The following RALGPS1 variants were observed in gnomAD, a reference collection of about 807,000 sequenced individuals.
RALGPS1 encodes ras-specific guanine nucleotide-releasing factor RalGPS1.
A neutral mutation model predicts 78.8 loss-of-function variants in RALGPS1; 19 were observed. The ratio of observed to expected loss-of-function variants is 0.24; its 90% CI spans 0.17 to 0.35. RALGPS1 has a LOEUF of 0.35. RALGPS1 is among the 10% of genes least tolerant of loss of function. The pLI, the probability that RALGPS1 is intolerant of heterozygous loss-of-function variation, is 1.00. For missense variants in RALGPS1, 454 were observed against 688.3 expected (o/e 0.66, Z 3.81); for synonymous variants, 228 against 256.3 (o/e 0.89, Z 1.06).
chr9:126,932,742 A>G (rs1216765163), intron 1 of RALGPS1, among the ~76,000 whole-genome samples: 1 of 152,278 alleles, frequency 6.6e-6, no homozygotes, highest in East Asian at 1.9e-4. Context: ...ATGTTATAAA[A>G]ACATTTTTAT....
chr9:127,135,748 A>G (rs1164791340), intron 8 of RALGPS1, among the ~76,000 whole-genome samples: 1 of 152,212 alleles, frequency 6.6e-6, no homozygotes, highest in Non-Finnish European at 1.5e-5. Flanking sequence ...GACAAAGGCA[A>G]GGGGACTTGG....
intron 8 of RALGPS1, among the ~76,000 whole-genome samples, chr9:127,123,256 A>C (rs2056331736): frequency 6.6e-6 from 1 of 152,256 alleles, no homozygotes; most frequent in Non-Finnish European, 1.5e-5. Flanking sequence ...AGCAGGAGGC[A>C]GTGGCTTAGG....
rs541977828 is a variant in RALGPS1 at position 127,124,105 on chromosome 9, A to C, written c.611-41964A>C. 2.6e-5 allele frequency among the ~76,000 whole-genome samples: 4 copies of C among 152,278 alleles called. No homozygotes were observed. In the East Asian group the frequency reaches 7.7e-4, roughly 29 times the overall value. On this transcript the variant is annotated intron_variant, in intron 8 of 18. Coordinates refer to ENST00000259351, the MANE Select transcript of RALGPS1 (RefSeq NM_014636.3). ...CCCAAGCAATCTCTCCCAGTCCCCAAGGAGACCCTGACACTTCACCCATGG... is the reference window on the plus strand; with the variant it reads ...CCCAAGCAATCTCTCCCAGTCCCCACGGAGACCCTGACACTTCACCCATGG...
intron 1 of RALGPS1, among the ~76,000 whole-genome samples, chr9:126,919,333 G>C (rs534995361): frequency 6.6e-6 from 1 of 152,308 alleles, no homozygotes; most frequent in South Asian, 2.1e-4. Context: ...ACTAACAAGA[G>C]ACATCCTTTG....
chr9:127,065,975 A>G (rs548107120), intron 7 of RALGPS1, among the ~76,000 whole-genome samples: 13 of 152,356 alleles, frequency 8.5e-5, no homozygotes, highest in Admixed American at 6.5e-4. Flanking sequence ...TCTCATTTGT[A>G]GGCACAGAAG....
At chr9:127,013,391 T>A (rs2044532042) in intron 4 of RALGPS1, among the ~76,000 whole-genome samples, 1 of 152,132 alleles carries the variant, frequency 6.6e-6, no homozygotes, top group South Asian at 2.1e-4. Context: ...CCAAGCCTGA[T>A]TCTTTCCCCA....
chr9:126,924,126 A>G (rs2035034568), intron 1 of RALGPS1, among the ~76,000 whole-genome samples: 2 of 152,216 alleles, frequency 1.3e-5, no homozygotes, highest in Admixed American at 6.5e-5. Context: ...GACAAATCCC[A>G]TGAACTGGAA....
chr9:127,173,511 T>C (rs1254770016), intron 10 of RALGPS1, among the ~76,000 whole-genome samples: 1 of 152,240 alleles, frequency 6.6e-6, no homozygotes, highest in Non-Finnish European at 1.5e-5. Flanking sequence ...TGGTGAGTTC[T>C]TTTACTTGTA....
At chr9:127,007,402 T>G (rs188802703) in intron 4 of RALGPS1, among the ~76,000 whole-genome samples, 84 of 152,304 alleles carry the variant, frequency 5.5e-4, no homozygotes, top group African/African-American at 2.0e-3. Flanking sequence ...GTCCCATTCC[T>G]GCACATTGCT....
Position 127,091,992 on chromosome 9 carries a change from A to G in RALGPS1, c.610+22636A>G. The G allele has an allele frequency of 6.3e-7, 1 of 1,589,704 alleles. No homozygotes were observed. The highest frequency in any genetic ancestry group is 8.6e-7 in the Non-Finnish European group (1 of 1,166,280). ...TGTGGAGCCTGCAGCACCTGCAGCCAGCAGGCTTGGCTGTCAGACACTCAG... is the reference window on the plus strand; with the variant it reads ...TGTGGAGCCTGCAGCACCTGCAGCCGGCAGGCTTGGCTGTCAGACACTCAG... On this transcript the variant is annotated intron_variant, in intron 8 of 18. Coordinates refer to ENST00000259351, the MANE Select transcript of RALGPS1 (RefSeq NM_014636.3). This position sits in a 1 kb window ranked among gnomAD's most constrained non-coding sequence, Gnocchi z 4.3.
At chr9:127,149,851 C>CATGATGCTTTCCTTCTTGG (rs1254690440) in intron 8 of RALGPS1, among the ~76,000 whole-genome samples, 18 of 152,226 alleles carry the variant, frequency 1.2e-4, no homozygotes, top group Admixed American at 1.0e-3. Context: ...TGAAGAAGGT[C>CATGATGCTTTCCTTCTTGG]ATGATGCTTT....
intron 7 of RALGPS1, among the ~76,000 whole-genome samples, chr9:127,062,031 T>C (rs1302020302): frequency 6.6e-6 from 1 of 152,246 alleles, no homozygotes; most frequent in East Asian, 1.9e-4. Flanking sequence ...TGTATGTATG[T>C]GCATATGCAT....
At chr9:126,943,169 TACTC>T (rs1180827112) in intron 1 of RALGPS1, among the ~76,000 whole-genome samples, 3 of 152,250 alleles carry the variant, frequency 2.0e-5, no homozygotes, top group East Asian at 3.9e-4. Context: ...GATGGAGTCT[TACTC>T]ACTCTGTTGC....
Position 127,102,635 on chromosome 9 carries a change from G to T in RALGPS1, c.610+33279G>T, listed in dbSNP as rs77231028. Among the ~76,000 whole-genome samples, 70 of 152,264 alleles carry T rather than the reference G, an allele frequency of 4.6e-4. 1 individual carries two copies. The East Asian group carries it at 0.012, about 27-fold the overall frequency. Reference sequence around the variant, plus strand: ...AAACTGCCTGAGGAATGGAGGGGTAGCTTTCCATCACCCTCAAAAGGCTCT... The same window carrying T: ...AAACTGCCTGAGGAATGGAGGGGTATCTTTCCATCACCCTCAAAAGGCTCT... On this transcript the variant is annotated intron_variant, in intron 8 of 18. Transcript: ENST00000259351.
chr9:126,960,382 T>C (rs1225825637), intron 1 of RALGPS1, among the ~76,000 whole-genome samples: 1 of 151,340 alleles, frequency 6.6e-6, no homozygotes, highest in Non-Finnish European at 1.5e-5. Context: ...TACAGGCGCC[T>C]GCCACCACGC....
chr9:126,979,669 G>A (rs1164944206), intron 4 of RALGPS1, among the ~76,000 whole-genome samples: 2 of 152,238 alleles, frequency 1.3e-5, no homozygotes, highest in Non-Finnish European at 2.9e-5. Flanking sequence ...CTCTTCAGAG[G>A]CATAGCCAAG....
chr9:126,988,655 G>C (rs537715366), intron 4 of RALGPS1, among the ~76,000 whole-genome samples: 10 of 152,326 alleles, frequency 6.6e-5, no homozygotes, highest in South Asian at 2.1e-4. Flanking sequence ...ACCACCTGTA[G>C]TCAGGGAGAC....
Position 127,028,899 on chromosome 9 carries a change from A to G in RALGPS1, c.217-5532A>G, listed in dbSNP as rs1007976773. On this transcript the variant is annotated intron_variant, in intron 4 of 18. Coordinates refer to ENST00000259351, the MANE Select transcript of RALGPS1 (RefSeq NM_014636.3). ...GTCCATGTAAGTCCCTAACTACTACATGCTGTGGCCTCTTTTTTGTGACCC... is the reference window on the plus strand; with the variant it reads ...GTCCATGTAAGTCCCTAACTACTACGTGCTGTGGCCTCTTTTTTGTGACCC... 3.3e-5 allele frequency among the ~76,000 whole-genome samples: 5 copies of G among 152,066 alleles called. 1 individual carries two copies. The highest frequency in any genetic ancestry group is 1.3e-4 in the Admixed American group (2 of 15,264).
At chr9:127,109,385 C>T (rs890980396) in intron 8 of RALGPS1, among the ~76,000 whole-genome samples, 2 of 152,140 alleles carry the variant, frequency 1.3e-5, no homozygotes, top group Non-Finnish European at 2.9e-5. Flanking sequence ...ACAAATGAAT[C>T]GTTAGACATG....
Sources: gnomAD v4.1 joint callset for allele counts (sites outside exome capture counted in the v4.1 genomes callset) on GRCh38, gnomAD v4.1.1 for gene constraint, Gnocchi (gnomAD v3.1) non-coding constraint, MANE v1.5 for transcripts, NCBI Gene and HGNC (gene_info 2026-07-23, HGNC 2026-07-21) for gene names.